The following PALLD variants were observed in gnomAD, a reference collection of about 807,000 sequenced individuals.
PALLD encodes palladin.
In PALLD, 61 loss-of-function variants were observed where a neutral mutation model predicts 123.5. That is an observed-to-expected ratio of 0.49 (90% CI 0.40 to 0.61). The LOEUF is 0.61. Ranked by LOEUF, PALLD falls within the 20% of genes least tolerant of loss-of-function variation. The probability of loss-of-function intolerance (pLI) is 0.00; values close to 1 mark genes in which losing one functional copy is unlikely to be tolerated. For missense variants in PALLD, 1,273 were observed against 1,377.0 expected, an observed-to-expected ratio of 0.92 and a Z score of 1.20; for synonymous variants, 465 against 496.4, an observed-to-expected ratio of 0.94 and a Z score of 0.84.
At chr4:168,663,085 T>C (rs1444281148) in intron 2 of PALLD, among the ~76,000 whole-genome samples, 2 of 152,256 alleles carry the variant, frequency 1.3e-5, no homozygotes, top group East Asian at 3.8e-4. Context: ...TGTTCAGTCC[T>C]TTCTTCATCT....
At chr4:168,532,329 T>C (rs995331276) in intron 2 of PALLD, among the ~76,000 whole-genome samples, 1 of 152,184 alleles carries the variant, frequency 6.6e-6, no homozygotes, top group African/African-American at 2.4e-5. Context: ...AGAGGAAACA[T>C]AGCACATTAC....
intron 2 of PALLD, among the ~76,000 whole-genome samples, chr4:168,533,781 G>A (rs946757518): frequency 6.6e-6 from 1 of 152,152 alleles, no homozygotes; most frequent in Non-Finnish European, 1.5e-5. Context: ...ACTGAGGGAA[G>A]AGAAGCCAGT....
At chr4:168,609,180 A>G (rs763472228) in intron 2 of PALLD, among the ~76,000 whole-genome samples, 3 of 151,912 alleles carry the variant, frequency 2.0e-5, no homozygotes, top group Non-Finnish European at 4.4e-5. Flanking sequence ...TGGCAGCCCA[A>G]TTTGCAGTGG....
At chr4:168,897,255 A>T (rs574669986) in intron 13 of PALLD, among the ~76,000 whole-genome samples, 1 of 152,234 alleles carries the variant, frequency 6.6e-6, no homozygotes, top group Non-Finnish European at 1.5e-5. Flanking sequence ...GATTAATTTG[A>T]TAGTAATTAG....
intron 2 of PALLD, among the ~76,000 whole-genome samples, chr4:168,615,534 AC>A (rs1410364621): frequency 6.6e-6 from 1 of 152,196 alleles, no homozygotes; most frequent in Non-Finnish European, 1.5e-5. Flanking sequence ...GCACAAAGAG[AC>A]AGGATTTACA....
At chr4:168,799,943 A>G (rs576494389) in intron 10 of PALLD, among the ~76,000 whole-genome samples, 9 of 152,284 alleles carry the variant, frequency 5.9e-5, no homozygotes, top group African/African-American at 1.9e-4. Flanking sequence ...ACCCTAAGAG[A>G]TGATTTTTAC....
At chr4:168,791,514 A>C (rs1300363047) in intron 10 of PALLD, among the ~76,000 whole-genome samples, 1 of 152,196 alleles carries the variant, frequency 6.6e-6, no homozygotes, top group Non-Finnish European at 1.5e-5. Flanking sequence ...AGGAGGAACT[A>C]CCACACACTT....
At chr4:168,784,344 A>C (rs967996253) in intron 10 of PALLD, among the ~76,000 whole-genome samples, 1 of 151,868 alleles carries the variant, frequency 6.6e-6, no homozygotes, top group African/African-American at 2.4e-5. Flanking sequence ...AAAAAGAGAG[A>C]GAGAGAGAAA....
chr4:168,898,324 C>T (rs1755709217), intron 13 of PALLD, 169 bp from the exon 14 acceptor site: 3 of 653,980 alleles, frequency 4.6e-6, no homozygotes, highest in East Asian at 2.7e-5. Flanking sequence ...CATAAACTCA[C>T]TTCCAGATGT....
chr4:168,758,402 T>C (rs909211920), intron 10 of PALLD, among the ~76,000 whole-genome samples: 1 of 152,194 alleles, frequency 6.6e-6, no homozygotes, highest in Non-Finnish European at 1.5e-5. Flanking sequence ...TTCCTTTCAG[T>C]GACTCCACTT....
chr4:168,608,065 G>A (rs971746818), intron 2 of PALLD, among the ~76,000 whole-genome samples: 9 of 152,166 alleles, frequency 5.9e-5, no homozygotes, highest in Admixed American at 2.0e-4. Flanking sequence ...AGTAGGTCCC[G>A]TTTTTACAAT....
chr4:168,895,052 A>C (rs1408095913), intron 12 of PALLD, among the ~76,000 whole-genome samples: 1 of 152,186 alleles, frequency 6.6e-6, no homozygotes, highest in Non-Finnish European at 1.5e-5. Context: ...ACCTTGAACA[A>C]CACGGGAGTT....
chr4:168,741,227 T>C (rs1282785941), intron 10 of PALLD, among the ~76,000 whole-genome samples: 1 of 152,198 alleles, frequency 6.6e-6, no homozygotes, highest in Non-Finnish European at 1.5e-5. Context: ...TTACAGAGAA[T>C]AGTGACAATT....
At chr4:168,787,293 C>T (rs777661310) in intron 10 of PALLD, among the ~76,000 whole-genome samples, 19 of 152,156 alleles carry the variant, frequency 1.2e-4, no homozygotes, top group Non-Finnish European at 1.9e-4. Flanking sequence ...TTCAAGTTTT[C>T]TCTTTTCAGT....
intron 2 of PALLD, among the ~76,000 whole-genome samples, chr4:168,585,134 G>A (rs530850696): frequency 6.6e-6 from 1 of 152,312 alleles, no homozygotes; most frequent in Admixed American, 6.5e-5. Flanking sequence ...TCTAAAAGAT[G>A]TAGGAACACA....
At chr4:168,696,687 G>GA (rs75901128) in intron 8 of PALLD, among the ~76,000 whole-genome samples, 20,471 of 146,034 alleles carry the variant, frequency 0.14, 1,740 homozygotes, top group East Asian at 0.33. Flanking sequence ...TGAAAAGCTA[G>GA]AAAAAAAAAA....
At chr4:168,734,591 GCT>G (rs1484687179) in intron 10 of PALLD, among the ~76,000 whole-genome samples, 3 of 152,070 alleles carry the variant, frequency 2.0e-5, no homozygotes, top group Admixed American at 2.0e-4. Context: ...CATCTGTCTT[GCT>G]CTGTCTTCAA....
intron 2 of PALLD, among the ~76,000 whole-genome samples, chr4:168,591,163 G>A (rs1306899158): frequency 6.6e-6 from 1 of 152,140 alleles, no homozygotes; most frequent in East Asian, 1.9e-4. Context: ...ACAGGCGTGA[G>A]CCACCACACC....
chr4:168,549,052 A>G (rs28370958), intron 2 of PALLD, among the ~76,000 whole-genome samples: 3,341 of 152,224 alleles, frequency 0.022, 125 homozygotes, highest in African/African-American at 0.075. Context: ...AAAATTAAAA[A>G]AGAAAGTTGC....
Sources: gnomAD v4.1 joint callset for allele counts (sites outside exome capture counted in the v4.1 genomes callset) on GRCh38, gnomAD v4.1.1 for gene constraint, MANE v1.5 for transcripts, NCBI Gene and HGNC (gene_info 2026-07-23, HGNC 2026-07-21) for gene names.